TEX9: variants seen among roughly 807,000 people sequenced by gnomAD.
The protein encoded by TEX9 is testis expressed 9, also known as testis-expressed protein 9.
TEX9 carries 74 observed loss-of-function variants against 59.6 expected under a neutral mutation model. The ratio of observed to expected loss-of-function variants is 1.24; its 90% CI spans 1.03 to 1.51. The LOEUF is 1.51. Among genes scored for constraint, TEX9 ranks in the 40% most tolerant of loss-of-function variants. The probability of loss-of-function intolerance (pLI) is 0.00; values close to 1 mark genes in which losing one functional copy is unlikely to be tolerated. For synonymous variants in TEX9, 186 were observed against 152.2 expected, an observed-to-expected ratio of 1.22 and a Z score of -1.64; for missense variants, 522 against 447.8, an observed-to-expected ratio of 1.17 and a Z score of -1.49.
chr15:56,365,079 A>G (rs1294808700), upstream of TEX9, among the ~76,000 whole-genome samples: 1 of 152,250 alleles, frequency 6.6e-6, no homozygotes, highest in African/African-American at 2.4e-5. Flanking sequence ...CACTTTAAGC[A>G]AACGGGGTGA....
chr15:56,268,367 T>TCC (rs2044440909), intron 1 of TEX9, among the ~76,000 whole-genome samples: 1 of 152,228 alleles, frequency 6.6e-6, no homozygotes, highest in Non-Finnish European at 1.5e-5. Context: ...CTATGTTGAG[T>TCC]AAGAGTGGTA....
At chr15:56,319,092 G>A (rs2045845353) in intron 1 of TEX9, among the ~76,000 whole-genome samples, 1 of 151,980 alleles carries the variant, frequency 6.6e-6, no homozygotes, top group African/African-American at 2.4e-5. Flanking sequence ...GTTCAGAGAG[G>A]AAGTTTCACA....
chr15:56,352,337 C>T (rs1291366295), intron 1 of TEX9, among the ~76,000 whole-genome samples: 1 of 152,052 alleles, frequency 6.6e-6, no homozygotes, highest in Non-Finnish European at 1.5e-5. Context: ...CCCCGCCTCC[C>T]GGGTTCAAGC....
At chr15:56,315,134 A>C (rs9708248) in intron 1 of TEX9, among the ~76,000 whole-genome samples, 138,479 of 146,980 alleles carry the variant, frequency 0.94, 65,814 homozygotes, top group East Asian at 1. Flanking sequence ...TTAATTGGAG[A>C]ATTTAGTCCA....
chr15:56,253,561 A>G (rs1197819104), intron 1 of TEX9, among the ~76,000 whole-genome samples: 2 of 152,108 alleles, frequency 1.3e-5, no homozygotes, highest in African/African-American at 4.8e-5. Flanking sequence ...AATATTAGAG[A>G]TGAGGGTCTG....
chr15:56,259,229 C>A (rs2141336269), intron 1 of TEX9, among the ~76,000 whole-genome samples: 1 of 152,102 alleles, frequency 6.6e-6, no homozygotes, highest in East Asian at 1.9e-4. Context: ...CAGCCATTCT[C>A]ATTCATTCAT....
chr15:56,444,062 A>G (rs549753950), intron 12 of TEX9, among the ~76,000 whole-genome samples: 1 of 152,168 alleles, frequency 6.6e-6, no homozygotes, highest in African/African-American at 2.4e-5. Flanking sequence ...CCTCTAACCT[A>G]TTAATGAAGT....
Position 56,402,039 on chromosome 15 carries a change from A to G in TEX9, c.828+7205A>G, listed in dbSNP as rs544544611. Among the ~76,000 whole-genome samples the G allele has an allele frequency of 2.0e-5, 3 of 152,366 alleles. No homozygotes were observed. In the East Asian group the frequency reaches 5.8e-4, roughly 29 times the overall value. On this transcript the variant is annotated intron_variant, in intron 9 of 12. Transcript: ENST00000352903. ...CCACAAGAGGAAGCAGGAAAGATCT[A>G]AAATTGACACCCTAACATCACAATT...
intron 9 of TEX9, among the ~76,000 whole-genome samples, chr15:56,403,103 C>T (rs552467816): frequency 1.3e-5 from 2 of 152,216 alleles, no homozygotes; most frequent in African/African-American, 2.4e-5. Context: ...CTCACCACTC[C>T]AGTTCAACAT....
At chr15:56,394,589 C>CT (rs149233382) in intron 8 of TEX9, 72 bp from the exon 9 acceptor site, 6 of 1,155,610 alleles carry the variant, frequency 5.2e-6, no homozygotes, top group Non-Finnish European at 7.3e-6. Flanking sequence ...TATGAAACGT[C>CT]TTTTTTTCTG....
intron 8 of TEX9, 87 bp from the exon 9 acceptor site, chr15:56,394,570 CAAAG>C (rs751431116): frequency 3.5e-4 from 338 of 953,986 alleles, no homozygotes; most frequent in Non-Finnish European, 4.8e-4. Context: ...GTATAAATAT[CAAAG>C]AACATATGAA....
chr15:56,373,038 G>A (rs1001580796), intron 2 of TEX9, among the ~76,000 whole-genome samples: 28 of 152,186 alleles, frequency 1.8e-4, no homozygotes, highest in African/African-American at 6.3e-4. Flanking sequence ...CCCCCATACC[G>A]TGCCCACTTC....
chr15:56,375,335 T>G (rs534968783), intron 3 of TEX9, among the ~76,000 whole-genome samples: 4 of 152,022 alleles, frequency 2.6e-5, no homozygotes, highest in Admixed American at 2.0e-4. Context: ...GTCTGTTCAT[T>G]TCCTTTGCCC....
chr15:56,245,451 C>G (rs2043828171), intron 1 of TEX9, among the ~76,000 whole-genome samples: 4 of 152,172 alleles, frequency 2.6e-5, no homozygotes, highest in Admixed American at 2.6e-4. Context: ...ACTCTAAGGT[C>G]TCTATTAGCT....
At chr15:56,319,397 T>C (rs1439060757) in intron 1 of TEX9, among the ~76,000 whole-genome samples, 1 of 151,486 alleles carries the variant, frequency 6.6e-6, no homozygotes, top group Non-Finnish European at 1.5e-5. Context: ...ATAAGACAAA[T>C]CACAGATCAT....
chr15:56,428,490 C>T, intron 12 of TEX9: 1 of 1,283,078 alleles, frequency 7.8e-7, no homozygotes, highest in African/African-American at 1.5e-5. Context: ...GATGGATACC[C>T]ATTTTACTTA....
chr15:56,410,637 T>C (rs1363071613), intron 9 of TEX9, among the ~76,000 whole-genome samples: 18 of 152,162 alleles, frequency 1.2e-4, no homozygotes, highest in Admixed American at 1.1e-3. Context: ...CTATCATTTT[T>C]CCCCCACACC....
rs1310360899 is a variant in TEX9 at position 56,277,386 on chromosome 15, G to T, written c.-107+33108G>T. The stretch of plus-strand genomic sequence containing the variant: ...GGAAGGGGTCCAGTTTCTGTTTTCT[G>T]TGTATGGCTAGCCAGTTTTCCCAGC... On this transcript the variant is annotated intron_variant, in intron 1 of 5. Coordinates refer to the TEX9 transcript ENST00000560827. 2.6e-5 allele frequency among the ~76,000 whole-genome samples: 4 copies of T among 152,134 alleles called. 1 individual carries two copies.
At chr15:56,460,009 A>AAAAAAAAAATAT in the TEX9 span, among the ~76,000 whole-genome samples, 143 of 26,352 alleles carry the variant, frequency 5.4e-3, 25 homozygotes, top group African/African-American at 0.015. Flanking sequence ...AAAAAAAAAA[A>AAAAAAAAAATAT]ATACATATAT....
Sources: gnomAD v4.1 joint callset for allele counts (sites outside exome capture counted in the v4.1 genomes callset) on GRCh38, gnomAD v4.1.1 for gene constraint, MANE v1.5 for transcripts, NCBI Gene and HGNC (gene_info 2026-07-23, HGNC 2026-07-21) for gene names.